The following ASH1L variants were observed in gnomAD, a reference collection of about 807,000 sequenced individuals.
ASH1L encodes histone-lysine N-methyltransferase ASH1L.
Under a neutral mutation model 269.0 loss-of-function variants are expected in ASH1L, and 23 were observed. The ratio of observed to expected loss-of-function variants is 0.09; its 90% CI spans 0.06 to 0.12. The LOEUF (loss-of-function observed/expected upper bound fraction) is 0.12. Ranked by LOEUF, ASH1L falls within the 10% of genes least tolerant of loss-of-function variation. ASH1L has a pLI of 1.00. For synonymous variants in ASH1L, 1,187 were observed against 1,253.5 expected, an observed-to-expected ratio of 0.95 and a Z score of 1.12; for missense variants, 2,912 against 3,567.8, an observed-to-expected ratio of 0.82 and a Z score of 4.68.
At chr1:155,430,621 G>T (rs1661524144) in intron 5 of ASH1L, among the ~76,000 whole-genome samples, 1 of 151,358 alleles carries the variant, frequency 6.6e-6, no homozygotes, top group African/African-American at 2.4e-5. Context: ...CATTCCTATT[G>T]ATCGGCTTTA....
intron 10 of ASH1L, among the ~76,000 whole-genome samples, chr1:155,376,317 A>G (rs183668396): frequency 4.1e-4 from 62 of 152,378 alleles, no homozygotes; most frequent in African/African-American, 1.4e-3. Flanking sequence ...GATTCCCTTC[A>G]GACCACATGG....
At chr1:155,435,449 G>A (rs115010696) in intron 5 of ASH1L, among the ~76,000 whole-genome samples, 3,404 of 152,196 alleles carry the variant, frequency 0.022, 117 homozygotes, top group African/African-American at 0.078. Flanking sequence ...ACTGTTAATA[G>A]CGTTATCCAT....
At chr1:155,346,257 A>T in intron 21 of ASH1L, 126 bp downstream of exon 21, 3 of 1,568,266 alleles carry the variant, frequency 1.9e-6, no homozygotes, top group Non-Finnish European at 2.6e-6. Flanking sequence ...AGTTTAAGAA[A>T]CCAAGGCCCA....
chr1:155,413,416 G>A (rs1659959075), intron 6 of ASH1L, among the ~76,000 whole-genome samples: 1 of 152,146 alleles, frequency 6.6e-6, no homozygotes, highest in East Asian at 1.9e-4. Flanking sequence ...GACCAGTCTG[G>A]CCAACATGGT....
chr1:155,402,415 A>C (rs1410882818), intron 6 of ASH1L, among the ~76,000 whole-genome samples: 1 of 152,244 alleles, frequency 6.6e-6, no homozygotes, highest in Non-Finnish European at 1.5e-5. Context: ...AGGTAAAATT[A>C]TATTTCAGAT....
chr1:155,356,649 A>G (rs1558026737), intron 15 of ASH1L, among the ~76,000 whole-genome samples: 1 of 151,830 alleles, frequency 6.6e-6, no homozygotes, highest in Non-Finnish European at 1.5e-5. Context: ...TCTCAAAAAA[A>G]AAAAAAAAAC....
chr1:155,541,411 A>G (rs1354882537), intron 1 of ASH1L, among the ~76,000 whole-genome samples: 1 of 152,112 alleles, frequency 6.6e-6, no homozygotes, highest in East Asian at 1.9e-4. Flanking sequence ...TCCAAAGGTA[A>G]AAGAGTAACC....
intron 17 of ASH1L, among the ~76,000 whole-genome samples, 198 bp from the exon 18 acceptor site, chr1:155,349,794 T>C (rs964098474): frequency 7.0e-6 from 1 of 142,454 alleles, no homozygotes; most frequent in East Asian, 2.2e-4. Flanking sequence ...CTCAGCTCAC[T>C]GCAACCTCCA....
At chr1:155,547,753 A>G (rs1282830265) in intron 1 of ASH1L, among the ~76,000 whole-genome samples, 3 of 151,782 alleles carry the variant, frequency 2.0e-5, no homozygotes, top group Non-Finnish European at 4.4e-5. Context: ...ACAGTGGCTC[A>G]TGAAGTCAGG....
chr1:155,550,814 G>A (rs1671141965), intron 1 of ASH1L, among the ~76,000 whole-genome samples: 1 of 152,072 alleles, frequency 6.6e-6, no homozygotes, highest in African/African-American at 2.4e-5. Context: ...TATACTCTGG[G>A]CTTAATACAG....
At chr1:155,455,740 G>C (rs1663819412) in intron 4 of ASH1L, among the ~76,000 whole-genome samples, 1 of 152,172 alleles carries the variant, frequency 6.6e-6, no homozygotes, top group Non-Finnish European at 1.5e-5. Flanking sequence ...ATTTGGCTCT[G>C]CAATGCAACT....
intron 5 of ASH1L, among the ~76,000 whole-genome samples, chr1:155,428,596 G>C (rs1256049466): frequency 6.6e-6 from 1 of 152,102 alleles, no homozygotes; most frequent in Non-Finnish European, 1.5e-5. Context: ...GGGTTTACCA[G>C]AATAAGGGCA....
chr1:155,349,196 A>G (rs1205651585), intron 19 of ASH1L, 131 bp downstream of exon 19: 2 of 917,148 alleles, frequency 2.2e-6, no homozygotes, highest in Non-Finnish European at 3.3e-6. Context: ...ACATACCCCA[A>G]GGATACTCAA....
chr1:155,474,512 G>A (rs550213344), intron 3 of ASH1L, among the ~76,000 whole-genome samples: 181 of 152,084 alleles, frequency 1.2e-3, no homozygotes, highest in African/African-American at 4.1e-3. Context: ...CAGCCTGGGC[G>A]GCATGGCGAA....
Position 155,480,690 on chromosome 1 carries a change from G to A in ASH1L, c.2180C>T (p.Thr727Ile). 1.2e-6 allele frequency: 2 copies of A among 1,613,666 alleles called. No homozygotes were observed. The highest frequency in any genetic ancestry group is 8.5e-7 in the Non-Finnish European group (1 of 1,179,942). Residue 727 changes from threonine to isoleucine, a missense_variant, in exon 3 of 28, where the codon ACA becomes ATA. Physicochemically the swap from Thr to Ile is moderately conservative, Grantham distance 89. Around this residue, in one of 13 missense-constraint regions of ASH1L, gnomAD observed 715 missense variants for 721.0 expected, o/e 0.99. Coordinates refer to ENST00000392403, the MANE Select transcript of ASH1L (RefSeq NM_018489.3). ...TTCTAGCCCTTTTGGAGACCGGCAT[G>A]TGCTTCTTGCCACCACTTTAGTCCA... is the stretch of plus-strand genomic sequence containing the variant. ...PRWTKVVARS[T>I]CRSPKGLELE...
In ASH1L at chr1:155,338,455, A is replaced by C. The variant is rs1652501620; in HGVS notation, c.8502-65T>G. On this transcript the variant is annotated intron_variant, in intron 26 of 27. Transcript: ENST00000392403. ...GGAGGAAAAGGGGATGAAGGGTAGG[A>C]GGCCTCAAGATGGCTTGAGATCCTG... 5 of 1,497,992 alleles carry C rather than the reference A, an allele frequency of 3.3e-6. No individual in the cohort carries two copies. In the Admixed American group the frequency reaches 9.9e-5, roughly 30 times the overall value. 92.8% of individuals were successfully genotyped at this position (1,497,992 alleles called of 1,614,324 possible).
chr1:155,559,356 A>G (rs1444291034), intron 1 of ASH1L, among the ~76,000 whole-genome samples: 3 of 151,930 alleles, frequency 2.0e-5, no homozygotes, highest in Non-Finnish European at 4.4e-5. Context: ...ACCAACATGG[A>G]GAAACGCTGT....
chr1:155,353,435 G>C lies in ASH1L; in HGVS notation c.7214-577C>G, dbSNP rs80038340. Among the ~76,000 whole-genome samples the C allele has an allele frequency of 6.1e-3, 933 of 152,150 alleles. 10 individuals carry two copies. The highest frequency in any genetic ancestry group is 0.022 in the African/African-American group (908 of 41,492). On this transcript the variant is annotated intron_variant, in intron 16 of 27. Coordinates refer to ENST00000392403, the MANE Select transcript of ASH1L (RefSeq NM_018489.3). ...ATGGGCAAATTTTTAAATCTATCTA[G>C]TTAGCATTCAGCATATCCCTCACAC...
intron 8 of ASH1L, 118 bp from the exon 9 acceptor site, chr1:155,378,666 C>A: frequency 1.2e-6 from 1 of 800,814 alleles, no homozygotes; most frequent in Non-Finnish European, 2.0e-6. Flanking sequence ...GAAATATTTA[C>A]AAGACATTTT....
Sources: gnomAD v4.1 joint callset for allele counts (sites outside exome capture counted in the v4.1 genomes callset) on GRCh38, gnomAD v4.1.1 for gene constraint, gnomAD v4.1.1 regional missense constraint, MANE v1.5 for transcripts, NCBI Gene and HGNC (gene_info 2026-07-23, HGNC 2026-07-21) for gene names.